The following SERGEF variants were observed in gnomAD, a reference collection of about 807,000 sequenced individuals.
SERGEF encodes the protein secretion-regulating guanine nucleotide exchange factor.
A neutral mutation model predicts 50.0 loss-of-function variants in SERGEF; 51 were observed. The ratio of observed to expected loss-of-function variants is 1.02; its 90% CI spans 0.81 to 1.29. SERGEF has a LOEUF of 1.29. Among genes scored for constraint, SERGEF ranks in the 50% most tolerant of loss-of-function variants. SERGEF has a pLI of 0.00. For missense variants in SERGEF, 521 were observed against 557.0 expected, an observed-to-expected ratio of 0.94 and a Z score of 0.65; for synonymous variants, 205 against 212.4, an observed-to-expected ratio of 0.97 and a Z score of 0.30.
At chr11:17,982,583 T>C (rs1005332803) in intron 8 of SERGEF, among the ~76,000 whole-genome samples, 2 of 152,204 alleles carry the variant, frequency 1.3e-5, no homozygotes, top group Non-Finnish European at 2.9e-5. Flanking sequence ...TCATGATATA[T>C]GGTCCCAAAG....
chr11:17,901,943 A>T (rs1375079854), intron 9 of SERGEF, among the ~76,000 whole-genome samples: 2 of 152,204 alleles, frequency 1.3e-5, no homozygotes, highest in African/African-American at 4.8e-5. Flanking sequence ...CGTGAACATA[A>T]CTCAATCTAA....
intron 9 of SERGEF, among the ~76,000 whole-genome samples, chr11:17,880,881 G>A (rs1851322404): frequency 6.6e-6 from 1 of 152,156 alleles, no homozygotes; most frequent in African/African-American, 2.4e-5. Flanking sequence ...ATTTAACTGT[G>A]GTGGCAGTAG....
chr11:17,911,720 T>C (rs1307563018), intron 9 of SERGEF, among the ~76,000 whole-genome samples: 2 of 152,138 alleles, frequency 1.3e-5, no homozygotes, highest in Non-Finnish European at 2.9e-5. Flanking sequence ...ACTTCTGGGC[T>C]CCAGCAATCT....
intron 9 of SERGEF, among the ~76,000 whole-genome samples, chr11:17,945,665 G>A (rs1450490567): frequency 6.6e-6 from 1 of 152,076 alleles, no homozygotes; most frequent in Non-Finnish European, 1.5e-5. Context: ...ACAGCAGCTA[G>A]CCTGCCACTA....
chr11:18,006,537 T>C, intron 3 of SERGEF, 54 bp downstream of exon 3: 2 of 1,534,172 alleles, frequency 1.3e-6, no homozygotes, highest in South Asian at 1.2e-5. Flanking sequence ...ATCATCATAC[T>C]GTTCTCACCC....
chr11:17,845,387 A>G (rs1850588687), intron 10 of SERGEF, among the ~76,000 whole-genome samples: 2 of 152,214 alleles, frequency 1.3e-5, no homozygotes, highest in Admixed American at 6.5e-5. Flanking sequence ...GACTCAGTAG[A>G]GCTCACTGTT....
intron 6 of SERGEF, among the ~76,000 whole-genome samples, chr11:17,994,475 CAAAAAA>C (rs58280362): frequency 9.4e-4 from 60 of 63,712 alleles, no homozygotes; most frequent in Admixed American, 3.7e-3. Context: ...GACTCTGTCT[CAAAAAA>C]AAAAAAAAAA....
In SERGEF at chr11:17,884,171, C is replaced by A. The variant is rs1198042041; in HGVS notation, c.1012-5927G>T. ...TTGGTTCTCGCCGGGTGCCAATGAG[C>A]CCGGGCGCCTTCAGGTGCTATGGCA... On this transcript the variant is annotated intron_variant, in intron 9 of 10. Coordinates refer to ENST00000265965, the MANE Select transcript of SERGEF (RefSeq NM_012139.4). This position sits in a 1 kb window ranked among gnomAD's most constrained non-coding sequence, Gnocchi z 4.6. 6.6e-6 allele frequency among the ~76,000 whole-genome samples: 1 copy of A among 152,198 alleles called. No homozygotes were observed. The highest frequency in any genetic ancestry group is 1.5e-5 in the Non-Finnish European group (1 of 68,032).
chr11:17,941,586 A>G lies in SERGEF; in HGVS notation c.1011+17884T>C, dbSNP rs189678920. Among the ~76,000 whole-genome samples the G allele has an allele frequency of 3.5e-3, 539 of 152,284 alleles. 1 individual carries two copies. Among genetic ancestry groups the G allele is most frequent in the South Asian group, 6.2e-3 (30 of 4,822 alleles). On this transcript the variant is annotated intron_variant, in intron 9 of 10. Transcript: ENST00000265965. The stretch of plus-strand genomic sequence containing the variant: ...TCTGGGTATTGTGAATAGTGGTGCT[A>G]TGTACATGGGTATGCATATATATCT...
chr11:17,900,671 C>T (rs1335956296), intron 9 of SERGEF, among the ~76,000 whole-genome samples: 1 of 152,172 alleles, frequency 6.6e-6, no homozygotes, highest in Non-Finnish European at 1.5e-5. Flanking sequence ...CAACCATAAA[C>T]GTTCATACAA....
intron 10 of SERGEF, among the ~76,000 whole-genome samples, chr11:17,867,482 C>T (rs758646484): frequency 2.0e-5 from 3 of 152,250 alleles, no homozygotes; most frequent in Admixed American, 6.5e-5. Flanking sequence ...TTGCAGGGTA[C>T]AGCCTCCTTC....
At chr11:17,883,084 C>T (rs1434888462) in intron 9 of SERGEF, among the ~76,000 whole-genome samples, 1 of 152,060 alleles carries the variant, frequency 6.6e-6, no homozygotes, top group Non-Finnish European at 1.5e-5. Context: ...GTTCAGGGAC[C>T]TCAGCCTGCG....
intron 8 of SERGEF, among the ~76,000 whole-genome samples, chr11:17,977,387 A>G (rs1853399334): frequency 6.6e-6 from 1 of 152,188 alleles, no homozygotes; most frequent in Admixed American, 6.5e-5. Context: ...CCTGGAAGAA[A>G]GAACTGCTAG....
At chr11:17,874,929 T>C (rs916304285) in intron 10 of SERGEF, among the ~76,000 whole-genome samples, 1 of 152,116 alleles carries the variant, frequency 6.6e-6, no homozygotes, top group African/African-American at 2.4e-5. Context: ...GGTCTTAATA[T>C]AGAATAATAA....
chr11:18,006,549 A>C, intron 3 of SERGEF, 42 bp downstream of exon 3: 4 of 1,588,884 alleles, frequency 2.5e-6, no homozygotes, highest in Non-Finnish European at 3.4e-6. Flanking sequence ...TTCTCACCCA[A>C]AGCCTTTGTG....
intron 1 of SERGEF, among the ~76,000 whole-genome samples, chr11:18,009,288 G>A (rs1386664806): frequency 6.6e-6 from 1 of 152,106 alleles, no homozygotes; most frequent in African/African-American, 2.4e-5. Context: ...ATTTCGATAT[G>A]AGAAGAGTCC....
At chr11:17,891,948 T>C (rs138519501) in intron 9 of SERGEF, among the ~76,000 whole-genome samples, 2 of 152,318 alleles carry the variant, frequency 1.3e-5, no homozygotes, top group Non-Finnish European at 2.9e-5. Flanking sequence ...GGATCTTTTT[T>C]CCAAGTGGGC....
chr11:17,854,712 A>T (rs1472445738), intron 10 of SERGEF: 1 of 152,192 alleles, frequency 6.6e-6, no homozygotes, highest in East Asian at 1.9e-4. Flanking sequence ...CTGTTTCTCT[A>T]GTTGAACCTG....
chr11:17,825,967 T>C lies in SERGEF; in HGVS notation c.1049-37554A>G, dbSNP rs559798475. On this transcript the variant is annotated intron_variant, in intron 10 of 10. Coordinates refer to ENST00000265965, the MANE Select transcript of SERGEF (RefSeq NM_012139.4). The stretch of plus-strand genomic sequence containing the variant: ...CCAGCTCTGCTACTCTATAACTTAC[T>C]AGCTCTGTAATTTTGGGGGCTTTAG... 2.2e-4 allele frequency among the ~76,000 whole-genome samples: 34 copies of C among 152,318 alleles called. 1 individual carries two copies. In the South Asian group the frequency reaches 7.1e-3, roughly 32 times the overall value.
Sources: allele counts gnomAD v4.1 joint callset (sites outside exome capture counted in the v4.1 genomes callset), GRCh38; gene constraint gnomAD v4.1.1; non-coding constraint Gnocchi (gnomAD v3.1); transcripts MANE v1.5; gene names NCBI Gene and HGNC (gene_info 2026-07-23, HGNC 2026-07-21).